Variants in OSBPL3 observed in about 807,000 individuals in gnomAD.
OSBPL3 encodes oxysterol-binding protein-related protein 3.
Under a neutral mutation model 120.1 loss-of-function variants are expected in OSBPL3, and 65 were observed. The observed-to-expected ratio is 0.54, with a 90% confidence interval of 0.44 to 0.67. The LOEUF (loss-of-function observed/expected upper bound fraction) is 0.67. OSBPL3 is among the 30% of genes least tolerant of loss of function. The probability of loss-of-function intolerance (pLI) is 0.00; values close to 1 mark genes in which losing one functional copy is unlikely to be tolerated. For synonymous variants in OSBPL3, 416 were observed against 402.6 expected (o/e 1.03, Z -0.40); for missense variants, 1,004 against 1,082.1 (o/e 0.93, Z 1.01).
intron 1 of OSBPL3, among the ~76,000 whole-genome samples, chr7:24,904,753 A>G (rs1807607736): frequency 6.6e-6 from 1 of 152,176 alleles, no homozygotes; most frequent in Admixed American, 6.5e-5. Context: ...CAGTCACAGA[A>G]GGACAAATAC....
intron 18 of OSBPL3, among the ~76,000 whole-genome samples, chr7:24,816,104 GC>G (rs1187302718): frequency 6.6e-6 from 1 of 152,134 alleles, no homozygotes. Context: ...GCTCACTGTA[GC>G]CTCAACCTCC....
At chr7:24,935,000 C>T (rs1286300248) in intron 1 of OSBPL3, among the ~76,000 whole-genome samples, 2 of 151,978 alleles carry the variant, frequency 1.3e-5, no homozygotes, top group Non-Finnish European at 2.9e-5. Context: ...TCCTTTAAGC[C>T]CCCTTTCAAA....
intron 15 of OSBPL3, among the ~76,000 whole-genome samples, chr7:24,832,888 G>T (rs17150258): frequency 0.024 from 3,590 of 152,240 alleles, 94 homozygotes; most frequent in East Asian, 0.13. Context: ...CCTGCTTAGT[G>T]GTTATGTTGG....
At chr7:24,979,026 G>A (rs1424947502) in intron 1 of OSBPL3, among the ~76,000 whole-genome samples, 4 of 152,218 alleles carry the variant, frequency 2.6e-5, no homozygotes, top group African/African-American at 9.6e-5. Flanking sequence ...AACGCTCCCC[G>A]GGAAGCTGGG....
intron 1 of OSBPL3, among the ~76,000 whole-genome samples, chr7:24,897,821 T>C (rs1053236603): frequency 6.6e-6 from 1 of 152,202 alleles, no homozygotes; most frequent in African/African-American, 2.4e-5. Context: ...ATCTGGTAGA[T>C]TGCAAAAAGT....
At chr7:24,839,622 A>C (rs1007668766) in intron 14 of OSBPL3, among the ~76,000 whole-genome samples, 12 of 152,148 alleles carry the variant, frequency 7.9e-5, no homozygotes, top group African/African-American at 2.9e-4. Flanking sequence ...TTCCTAAATT[A>C]TAAAAACCCC....
At position 24,928,467 on chromosome 7, in the gene OSBPL3, A is replaced by G. The variant is rs547112713; in HGVS notation, c.-149-35846T>C. Among the ~76,000 whole-genome samples, 6 of 152,304 alleles carry G rather than the reference A, an allele frequency of 3.9e-5. No individual in the cohort carries two copies. The South Asian group carries it at 1.2e-3, about 32-fold the overall frequency. On this transcript the variant is annotated intron_variant, in intron 1 of 22. Coordinates refer to ENST00000313367, the MANE Select transcript of OSBPL3 (RefSeq NM_015550.4). ...TGGCCTCCCAAAGTGCTAGGATTAC[A>G]GGCATCAGCCACCGTGCCCGGCCAC...
At chr7:24,926,722 G>A (rs962376423) in intron 1 of OSBPL3, among the ~76,000 whole-genome samples, 8 of 152,156 alleles carry the variant, frequency 5.3e-5, no homozygotes, top group Non-Finnish European at 1.2e-4. Flanking sequence ...GGCTGCCCTT[G>A]CATATACCTT....
At chr7:24,945,354 C>T (rs1272937322) in intron 1 of OSBPL3, among the ~76,000 whole-genome samples, 1 of 152,176 alleles carries the variant, frequency 6.6e-6, no homozygotes, top group East Asian at 1.9e-4. Flanking sequence ...AACACAGTGT[C>T]CTGTATATTT....
At chr7:24,841,983 A>C (rs1479026741) in intron 13 of OSBPL3, among the ~76,000 whole-genome samples, 1 of 152,018 alleles carries the variant, frequency 6.6e-6, no homozygotes, top group African/African-American at 2.4e-5. Context: ...ACTGCACTTC[A>C]GCCTGGACAA....
intron 1 of OSBPL3, among the ~76,000 whole-genome samples, chr7:24,973,597 C>G (rs1238173989): frequency 6.6e-6 from 1 of 152,190 alleles, no homozygotes; most frequent in Non-Finnish European, 1.5e-5. Context: ...AAAACAAAAT[C>G]ATTTAGATTA....
In OSBPL3 at chr7:24,967,990, T is replaced by G. The variant is rs1816580604; in HGVS notation, c.-150+11896A>C. Reference sequence around the variant, plus strand: ...TGGCACCATAAATAACACAGTCACATACGCCTGAAACTCTGCAGTTACTTT... The same window carrying G: ...TGGCACCATAAATAACACAGTCACAGACGCCTGAAACTCTGCAGTTACTTT... On this transcript the variant is annotated intron_variant, in intron 1 of 22. Coordinates refer to ENST00000313367, the MANE Select transcript of OSBPL3 (RefSeq NM_015550.4). This position sits in a 1 kb window ranked among gnomAD's most constrained non-coding sequence, Gnocchi z 5.6. 6.6e-6 allele frequency among the ~76,000 whole-genome samples: 1 copy of G among 152,238 alleles called. No homozygotes were observed. The highest frequency in any genetic ancestry group is 1.5e-5 in the Non-Finnish European group (1 of 68,048).
chr7:24,844,643 C>A (rs1798182328), intron 12 of OSBPL3, among the ~76,000 whole-genome samples: 1 of 151,712 alleles, frequency 6.6e-6, no homozygotes, highest in South Asian at 2.1e-4. Context: ...AAAGTTCGCC[C>A]AAATAACATT....
In OSBPL3 at chr7:24,896,055, T is replaced by C. The variant is rs1806089069; in HGVS notation, c.-149-3434A>G. Among the ~76,000 whole-genome samples the C allele has an allele frequency of 6.6e-6, 1 of 152,200 alleles. No homozygotes were observed. Among genetic ancestry groups the C allele is most frequent in the Non-Finnish European group, 1.5e-5 (1 of 68,030 alleles). On this transcript the variant is annotated intron_variant, in intron 1 of 22. Transcript: ENST00000313367. The surrounding 1 kb of genome is among the most constrained non-coding windows in gnomAD (Gnocchi z 4.4). ...TCTCTCCTGCAAGTACTTGTCAACA[T>C]GCCTTAAGGATGGAGAGCTAGGACT...
In OSBPL3 at chr7:24,852,928, C is replaced by A. The variant is rs1306226835; in HGVS notation, c.1028-294G>T. ...CGGGGGGACGGTGCCTACATGGGAG[C>A]AGGGGGCTTATAAAAGCTCTGCACT... On this transcript the variant is annotated intron_variant, in intron 10 of 22. Transcript: ENST00000313367. The surrounding 1 kb of genome is among the most constrained non-coding windows in gnomAD (Gnocchi z 4.1). Among the ~76,000 whole-genome samples, 3 of 152,042 alleles carry A rather than the reference C, an allele frequency of 2.0e-5. No individual in the cohort carries two copies. Among genetic ancestry groups the A allele is most frequent in the Non-Finnish European group, 2.9e-5 (2 of 68,002 alleles).
chr7:24,908,402 G>C (rs780862276), intron 1 of OSBPL3, among the ~76,000 whole-genome samples: 7 of 152,138 alleles, frequency 4.6e-5, no homozygotes. Flanking sequence ...TCATTCTAAA[G>C]TTTCAGTTTC....
At chr7:24,838,340 C>T (rs1562801747) in intron 14 of OSBPL3, among the ~76,000 whole-genome samples, 1 of 151,698 alleles carries the variant, frequency 6.6e-6, no homozygotes, top group South Asian at 2.1e-4. Flanking sequence ...TATTAAAATA[C>T]AAAAAATTAG....
chr7:24,916,697 T>C lies in OSBPL3; in HGVS notation c.-149-24076A>G, dbSNP rs756275288. On this transcript the variant is annotated intron_variant, in intron 1 of 22. Coordinates refer to ENST00000313367, the MANE Select transcript of OSBPL3 (RefSeq NM_015550.4). The surrounding 1 kb of genome is among the most constrained non-coding windows in gnomAD (Gnocchi z 4.9). ...CTCTAAGGTGAAAGAATCTGCCTAA[T>C]ATCATTCCTCCCGACACCATCATCT... Among the ~76,000 whole-genome samples the C allele has an allele frequency of 6.6e-6, 1 of 152,074 alleles. No homozygotes were observed. The highest frequency in any genetic ancestry group is 1.5e-5 in the Non-Finnish European group (1 of 68,022).
At chr7:24,890,552 CAGA>C (rs1805198983) in intron 2 of OSBPL3, among the ~76,000 whole-genome samples, 1 of 152,172 alleles carries the variant, frequency 6.6e-6, no homozygotes, top group South Asian at 2.1e-4. Flanking sequence ...CTTTCTTCGA[CAGA>C]AGGATGAGAA....
Sources: allele counts gnomAD v4.1 joint callset (sites outside exome capture counted in the v4.1 genomes callset), GRCh38; gene constraint gnomAD v4.1.1; non-coding constraint Gnocchi (gnomAD v3.1); transcripts MANE v1.5; gene names NCBI Gene and HGNC (gene_info 2026-07-23, HGNC 2026-07-21).